PXDNL: variants seen among roughly 807,000 people sequenced by gnomAD.
The protein encoded by PXDNL is probable oxidoreductase PXDNL.
Under a neutral mutation model 150.8 loss-of-function variants are expected in PXDNL, and 145 were observed. The observed-to-expected ratio is 0.96, with a 90% CI of 0.84 to 1.10. The LOEUF is 1.10. PXDNL is among the 50% of genes least tolerant of loss of function. The probability of loss-of-function intolerance (pLI) is 0.00; values close to 1 mark genes in which losing one functional copy is unlikely to be tolerated. For synonymous variants in PXDNL, 757 were observed against 725.7 expected (o/e 1.04, Z -0.69); for missense variants, 2,087 against 1,873.9 (o/e 1.11, Z -2.10).
chr8:51,348,749 A>G (rs944116673), intron 19 of PXDNL, among the ~76,000 whole-genome samples: 1 of 152,196 alleles, frequency 6.6e-6, no homozygotes, highest in African/African-American at 2.4e-5. Context: ...ACAATAACCT[A>G]TACTCAATAT....
chr8:51,358,901 C>A (rs1167140340), intron 19 of PXDNL, among the ~76,000 whole-genome samples: 1 of 152,178 alleles, frequency 6.6e-6, no homozygotes, highest in African/African-American at 2.4e-5. Flanking sequence ...GAACCACGCC[C>A]AGCCCTGCTC....
intron 2 of PXDNL, among the ~76,000 whole-genome samples, chr8:51,600,212 ATATCTCATATAAAT>A (rs1813668814): frequency 7.1e-6 from 1 of 141,006 alleles, no homozygotes; most frequent in Admixed American, 7.2e-5. Context: ...ATAATAAATT[ATATCTCATATAAAT>A]TATATCGTTT....
At chr8:51,485,847 A>G (rs1181905466) in intron 5 of PXDNL, among the ~76,000 whole-genome samples, 1 of 152,192 alleles carries the variant, frequency 6.6e-6, no homozygotes. Flanking sequence ...CAGTGTGCAG[A>G]TGGATGACAC....
rs76113931 is a variant in PXDNL at position 51,369,495 on chromosome 8, C to T, written c.3901+2378G>A. 9.5e-3 allele frequency among the ~76,000 whole-genome samples: 1,444 copies of T among 152,266 alleles called. 23 individuals carry two copies. Among genetic ancestry groups the T allele is most frequent in the African/African-American group, 0.033 (1,371 of 41,544 alleles). ...TCTTTTAATTTTTCTGAAAAATCCA[C>T]GCTTGTTAGTCAGAAAGTACACGGA... On this transcript the variant is annotated intron_variant, in intron 19 of 22. Coordinates refer to ENST00000356297, the MANE Select transcript of PXDNL (RefSeq NM_144651.5).
chr8:51,684,429 A>C (rs1400168291), intron 1 of PXDNL, among the ~76,000 whole-genome samples: 1 of 152,218 alleles, frequency 6.6e-6, no homozygotes, highest in Non-Finnish European at 1.5e-5. Flanking sequence ...AGCAGACATT[A>C]ATCGATGTGG....
At chr8:51,672,002 G>A (rs1815507216) in intron 1 of PXDNL, among the ~76,000 whole-genome samples, 1 of 152,026 alleles carries the variant, frequency 6.6e-6, no homozygotes, top group South Asian at 2.1e-4. Context: ...ATTTTTTTGA[G>A]ACAGAGTCTC....
In PXDNL at chr8:51,733,679, G is replaced by T. The variant is rs938923411; in HGVS notation, c.164+75502C>A. Among the ~76,000 whole-genome samples the T allele has an allele frequency of 1.3e-4, 20 of 151,740 alleles. No individual in the cohort carries two copies. In the East Asian group the frequency reaches 3.9e-3, roughly 29 times the overall value. The stretch of plus-strand genomic sequence containing the variant: ...AAAAATTAGCTGGGCATAGTGGCGG[G>T]CACCTGTAGTCCCAGCTGCTCAGGT... On this transcript the variant is annotated intron_variant, in intron 1 of 22. Coordinates refer to ENST00000356297, the MANE Select transcript of PXDNL (RefSeq NM_144651.5).
At chr8:51,639,334 C>G (rs1193425727) in intron 2 of PXDNL, among the ~76,000 whole-genome samples, 2 of 151,968 alleles carry the variant, frequency 1.3e-5, no homozygotes, top group Non-Finnish European at 2.9e-5. Context: ...TAGCAGAAGG[C>G]AAGAAATAAC....
chr8:51,403,240 A>T (rs766119667), intron 17 of PXDNL, among the ~76,000 whole-genome samples: 2 of 152,226 alleles, frequency 1.3e-5, no homozygotes, highest in Non-Finnish European at 2.9e-5. Context: ...CTTTTGACCA[A>T]GAAAAAAATG....
At chr8:51,594,324 T>C (rs1345502252) in intron 2 of PXDNL, among the ~76,000 whole-genome samples, 1 of 152,190 alleles carries the variant, frequency 6.6e-6, no homozygotes, top group African/African-American at 2.4e-5. Flanking sequence ...ACTATTTTCT[T>C]AAATCTTCCA....
chr8:51,775,481 C>A (rs1181662604), intron 1 of PXDNL, among the ~76,000 whole-genome samples: 1 of 152,148 alleles, frequency 6.6e-6, no homozygotes, highest in Non-Finnish European at 1.5e-5. Flanking sequence ...AGTCAAGGAC[C>A]TTGAACGGAG....
At chr8:51,628,087 A>C (rs527465568) in intron 2 of PXDNL, among the ~76,000 whole-genome samples, 3 of 152,316 alleles carry the variant, frequency 2.0e-5, no homozygotes, top group African/African-American at 7.2e-5. Flanking sequence ...GTTTCTTCGG[A>C]AAATTAGGAT....
At chr8:51,360,265 A>C (rs924908664) in intron 19 of PXDNL, among the ~76,000 whole-genome samples, 5 of 152,156 alleles carry the variant, frequency 3.3e-5, no homozygotes, top group African/African-American at 9.7e-5. Flanking sequence ...GTACACATCT[A>C]TGCATGCATA....
chr8:51,528,792 C>T (rs2130419803), intron 4 of PXDNL, among the ~76,000 whole-genome samples: 1 of 152,260 alleles, frequency 6.6e-6, no homozygotes, highest in Admixed American at 6.5e-5. Context: ...CTGCCAGCAA[C>T]CTCTAGAAAT....
At chr8:51,405,321 G>C (rs1220891589) in intron 17 of PXDNL, among the ~76,000 whole-genome samples, 1 of 152,194 alleles carries the variant, frequency 6.6e-6, no homozygotes, top group East Asian at 1.9e-4. Flanking sequence ...TGCGAGGGCT[G>C]CCAGCATGCC....
chr8:51,448,390 G>GA lies in PXDNL; in HGVS notation c.1366+611dup, dbSNP rs35555873. The stretch of plus-strand genomic sequence containing the variant: ...TGTACTAGAAGAAAATTATCCCACT[G>GA]AAAAAAGAAATGTCTAAAACTGCTA... On this transcript the variant is annotated intron_variant, in intron 11 of 22. Coordinates refer to ENST00000356297, the MANE Select transcript of PXDNL (RefSeq NM_144651.5). 1.2e-3 allele frequency among the ~76,000 whole-genome samples: 180 copies of GA among 152,252 alleles called. 1 individual carries two copies. Among genetic ancestry groups the GA allele is most frequent in the Admixed American group, 3.3e-3 (50 of 15,302 alleles).
intron 1 of PXDNL, among the ~76,000 whole-genome samples, chr8:51,739,072 C>T (rs4873587): frequency 0.97 from 148,080 of 152,306 alleles, 72,121 homozygotes; most frequent in East Asian, 1. Flanking sequence ...ATTTCAAGTG[C>T]ACAGGCCTAA....
chr8:51,490,649 T>TATATATACACATATATACATATATATAC (rs1810868681), intron 5 of PXDNL, among the ~76,000 whole-genome samples: 1 of 149,640 alleles, frequency 6.7e-6, no homozygotes. Flanking sequence ...TATATATACA[T>TATATATACACATATATACATATATATAC]ATATATACAC....
chr8:51,415,058 G>GC (rs1484936516), intron 14 of PXDNL, among the ~76,000 whole-genome samples: 1 of 152,058 alleles, frequency 6.6e-6, no homozygotes, highest in Non-Finnish European at 1.5e-5. Flanking sequence ...GCCTTCTTTG[G>GC]CGGGGGGGAG....
Sources: gnomAD v4.1 joint callset for allele counts (sites outside exome capture counted in the v4.1 genomes callset) on GRCh38, gnomAD v4.1.1 for gene constraint, MANE v1.5 for transcripts, NCBI Gene and HGNC (gene_info 2026-07-23, HGNC 2026-07-21) for gene names.